The following PDXK variants were observed in gnomAD, a reference collection of about 807,000 sequenced individuals.
The protein encoded by PDXK is pyridoxal kinase.
A neutral mutation model predicts 43.2 loss-of-function variants in PDXK; 15 were observed. The ratio of observed to expected loss-of-function variants is 0.35; its 90% CI spans 0.23 to 0.53. The LOEUF is 0.53. PDXK is among the 20% of genes least tolerant of loss of function. PDXK has a pLI of 0.92. For synonymous variants in PDXK, 172 were observed against 165.4 expected, an observed-to-expected ratio of 1.04 and a Z score of -0.31; for missense variants, 343 against 417.0, an observed-to-expected ratio of 0.82 and a Z score of 1.54.
chr21:43,743,953 T>G lies in PDXK; in HGVS notation c.331+146T>G, dbSNP rs552252817. ...CTCCGGGCCAGTGAATTGTGTCTGCTGGGCCTCTGAAGATGTTGGCCTGCT... is the reference window on the plus strand; with the variant it reads ...CTCCGGGCCAGTGAATTGTGTCTGCGGGGCCTCTGAAGATGTTGGCCTGCT... On this transcript the variant is annotated intron_variant, in intron 4 of 10. Transcript: ENST00000291565. The G allele has an allele frequency of 1.7e-4, 113 of 661,676 alleles. No homozygotes were observed. The African/African-American group carries it at 1.7e-3, about 10-fold the overall frequency. 41.0% of individuals were successfully genotyped at this position (661,676 alleles called of 1,614,324 possible).
Position 43,737,607 on chromosome 21 carries a change from C to T in PDXK, c.142+3484C>T, listed in dbSNP as rs117050103. ...TGCCCTGCTGCTGGGCTTGGTGGTC[C>T]CTGCTGCAGGGAAGGGGCAGCTGGT... On this transcript the variant is annotated intron_variant, in intron 2 of 10. Coordinates refer to ENST00000291565, the MANE Select transcript of PDXK (RefSeq NM_003681.5). The surrounding 1 kb of genome is among the most constrained non-coding windows in gnomAD (Gnocchi z 4.8). 0.03 allele frequency: 29,707 copies of T among 989,054 alleles called. 491 individuals carry two copies. Among genetic ancestry groups the T allele is most frequent in the Non-Finnish European group, 0.033 (27,783 of 832,448 alleles). The allele number at this position is 989,054 out of a possible 1,614,324, so 61.3% of individuals were successfully genotyped here.
rs1056741855 is a variant in PDXK at position 43,723,356 on chromosome 21, T to C, written c.87+3975T>C. 2 of 152,096 alleles carry C rather than the reference T, an allele frequency of 1.3e-5. No individual in the cohort carries two copies. The highest frequency in any genetic ancestry group is 4.8e-5 in the African/African-American group (2 of 41,408). The allele number at this position is 152,096 out of a possible 1,614,324, so 9.4% of individuals were successfully genotyped here. ...ATTTCTGTTTAGTAGAGATGGGGTT[T>C]CACTATGTTGGCCAGGCTGGTCTTG... On this transcript the variant is annotated intron_variant, in intron 1 of 10. Transcript: ENST00000291565. The surrounding 1 kb of genome is among the most constrained non-coding windows in gnomAD (Gnocchi z 4.1).
chr21:43,726,705 G>A (rs975191162), intron 1 of PDXK, among the ~76,000 whole-genome samples: 2 of 152,168 alleles, frequency 1.3e-5, no homozygotes, highest in African/African-American at 4.8e-5. Flanking sequence ...ACTGCACCCA[G>A]CCTATTGGTC....
chr21:43,750,783 GGT>G (rs66931044), intron 7 of PDXK, among the ~76,000 whole-genome samples: 3 of 140,634 alleles, frequency 2.1e-5, no homozygotes, highest in South Asian at 2.1e-4. Context: ...ATTGTGTGTG[GGT>G]GTGTGTGTGG....
chr21:43,727,416 C>T (rs1266313047), intron 1 of PDXK, among the ~76,000 whole-genome samples: 1 of 152,222 alleles, frequency 6.6e-6, no homozygotes, highest in African/African-American at 2.4e-5. Flanking sequence ...TTCCCCGGCT[C>T]TGCATGGGGC....
chr21:43,721,636 A>G (rs1048385167), intron 1 of PDXK: 6 of 152,294 alleles, frequency 3.9e-5, no homozygotes, highest in Non-Finnish European at 7.3e-5. Context: ...TCTCACCTGC[A>G]AACTAGGCAC....
rs982068535 is a variant in PDXK, at chr21:43,734,729, C to A, written c.142+606C>A. Among the ~76,000 whole-genome samples, 5 of 152,130 alleles carry A rather than the reference C, an allele frequency of 3.3e-5. No individual in the cohort carries two copies. The highest frequency in any genetic ancestry group is 1.3e-4 in the Admixed American group (2 of 15,270). Reference sequence around the variant, plus strand: ...GCCGGCCTCAGAAGCCCCTCACAGGCCATGCTTTCCATGCCCCCAGCCCCA... The same window carrying A: ...GCCGGCCTCAGAAGCCCCTCACAGGACATGCTTTCCATGCCCCCAGCCCCA... On this transcript the variant is annotated intron_variant, in intron 2 of 10. Transcript: ENST00000291565. The surrounding 1 kb of genome is among the most constrained non-coding windows in gnomAD (Gnocchi z 5.0).
At chr21:43,746,236 C>T (rs1477456583) in intron 5 of PDXK, 111 bp downstream of exon 5, 2 of 871,212 alleles carry the variant, frequency 2.3e-6, no homozygotes, top group Non-Finnish European at 3.9e-6. Flanking sequence ...ACTCCTCTGT[C>T]CAGGGGTAAA....
rs976462152 is a variant in PDXK, at chr21:43,736,253, C to T, written c.142+2130C>T. Among the ~76,000 whole-genome samples, 9 of 152,308 alleles carry T rather than the reference C, an allele frequency of 5.9e-5. No individual in the cohort carries two copies. In the South Asian group the frequency reaches 1.0e-3, roughly 18 times the overall value. On this transcript the variant is annotated intron_variant, in intron 2 of 10. Transcript: ENST00000291565. The stretch of plus-strand genomic sequence containing the variant: ...CAAAGAAAGATGTCTGCATGCACGA[C>T]GGGCCTCCCGCATTGTAGGGGCTGT...
At chr21:43,745,566 GA>G (rs2083624724) in intron 4 of PDXK, 1 of 158,598 alleles carries the variant, frequency 6.3e-6, no homozygotes, top group Non-Finnish European at 1.4e-5. Context: ...TATACACGGT[GA>G]GAATGTCCTG....
intron 6 of PDXK, 85 bp from the exon 7 acceptor site, chr21:43,750,415 C>A: frequency 8.2e-7 from 1 of 1,226,828 alleles, no homozygotes; most frequent in Admixed American, 2.1e-5. Flanking sequence ...TTTCCAGAGC[C>A]GCTGCGGTTT....
At chr21:43,736,448 C>T (rs1338590154) in intron 2 of PDXK, among the ~76,000 whole-genome samples, 5 of 152,140 alleles carry the variant, frequency 3.3e-5, no homozygotes, top group African/African-American at 4.8e-5. Flanking sequence ...ACACTCGGGC[C>T]GTTTCCACTT....
At chr21:43,725,042 G>T (rs2083240052) in intron 1 of PDXK, among the ~76,000 whole-genome samples, 1 of 152,000 alleles carries the variant, frequency 6.6e-6, no homozygotes, top group African/African-American at 2.4e-5. Flanking sequence ...ACCTGGTGTT[G>T]GCTGGGTGCA....
chr21:43,744,141 G>A (rs1402650610), intron 4 of PDXK, among the ~76,000 whole-genome samples: 1 of 152,142 alleles, frequency 6.6e-6, no homozygotes, highest in African/African-American at 2.4e-5. Flanking sequence ...AAAGGCGGAA[G>A]GGGCAAGGGG....
intron 1 of PDXK, among the ~76,000 whole-genome samples, chr21:43,726,559 C>G (rs2083255913): frequency 6.6e-6 from 1 of 152,090 alleles, no homozygotes; most frequent in African/African-American, 2.4e-5. Flanking sequence ...TACGGCTGAG[C>G]CACCGCGCCC....
At chr21:43,738,989 A>T (rs1332771813) in intron 2 of PDXK, 1 of 146,296 alleles carries the variant, frequency 6.8e-6, no homozygotes, top group Admixed American at 7.0e-5. Flanking sequence ...GCTGGAGTGC[A>T]GTGGCGCGAT....
intron 1 of PDXK, among the ~76,000 whole-genome samples, chr21:43,724,566 G>A (rs2083234912): frequency 6.6e-6 from 1 of 152,028 alleles, no homozygotes; most frequent in Non-Finnish European, 1.5e-5. Context: ...CCAAGCCCAG[G>A]TGCGGTGGCT....
intron 1 of PDXK, among the ~76,000 whole-genome samples, chr21:43,731,181 A>G (rs2083312706): frequency 6.6e-6 from 1 of 152,190 alleles, no homozygotes; most frequent in South Asian, 2.1e-4. Flanking sequence ...ACTGACCTGC[A>G]CTATTGCATC....
chr21:43,728,908 C>G (rs1402428098), intron 1 of PDXK: 12 of 985,408 alleles, frequency 1.2e-5, no homozygotes, highest in Non-Finnish European at 1.4e-5. Context: ...CTAAGCCATC[C>G]CACTGGCCTG....
Sources: allele counts gnomAD v4.1 joint callset (sites outside exome capture counted in the v4.1 genomes callset), GRCh38; gene constraint gnomAD v4.1.1; non-coding constraint Gnocchi (gnomAD v3.1); transcripts MANE v1.5; gene names NCBI Gene and HGNC (gene_info 2026-07-23, HGNC 2026-07-21).